Variants in FRK observed in about 807,000 individuals in gnomAD.
The protein encoded by FRK is fyn related Src family tyrosine kinase.
In FRK, 51 loss-of-function variants were observed where a neutral mutation model predicts 56.4. The observed-to-expected ratio is 0.90, with a 90% CI of 0.72 to 1.14. FRK has a LOEUF of 1.14. Among genes scored for constraint, FRK ranks in the 50% most tolerant of loss-of-function variants. The pLI, the probability that FRK is intolerant of heterozygous loss-of-function variation, is 0.00. For missense variants in FRK, 570 were observed against 601.4 expected (o/e 0.95, Z 0.55); for synonymous variants, 245 against 217.9 (o/e 1.12, Z -1.10).
rs1232312346 is a variant in FRK at position 115,931,419 on chromosome 6, C to T, written c.*10995G>A. The T allele has an allele frequency of 6.6e-6, 1 of 152,028 alleles. No individual in the cohort carries two copies. The highest frequency in any genetic ancestry group is 2.4e-5 in the African/African-American group (1 of 41,372). 9.4% of individuals were successfully genotyped at this position (152,028 alleles called of 1,614,324 possible). ...AATAATAGCATTATAACAAGTGGTA[C>T]AATTAAAAGAGGTCTTCTTTAATCC... On this transcript the variant is annotated 3_prime_UTR_variant, in exon 8 of 8. Transcript: ENST00000606080.
chr6:116,076,435 TA>T, the FRK span, among the ~76,000 whole-genome samples: 2 of 152,270 alleles, frequency 1.3e-5, no homozygotes, highest in Non-Finnish European at 2.9e-5. Context: ...TTCTTGATTT[TA>T]AAAATGATTT....
At chr6:115,988,802 A>T (rs962044636) in intron 2 of FRK, among the ~76,000 whole-genome samples, 1 of 151,988 alleles carries the variant, frequency 6.6e-6, no homozygotes, top group African/African-American at 2.4e-5. Flanking sequence ...AATTTCTTAC[A>T]TATCTTATTT....
the FRK span, among the ~76,000 whole-genome samples, chr6:116,084,711 A>C: frequency 1.4e-3 from 218 of 152,198 alleles, no homozygotes; most frequent in Non-Finnish European, 2.7e-3. Flanking sequence ...CTTTGCCTTG[A>C]TGAGAAGTGT....
At position 115,931,654 on chromosome 6, in the gene FRK, C is replaced by T. The variant is rs1352236853; in HGVS notation, c.*10760G>A. 6.6e-6 allele frequency: 1 copy of T among 152,052 alleles called. No individual in the cohort carries two copies. Among genetic ancestry groups the T allele is most frequent in the Non-Finnish European group, 1.5e-5 (1 of 67,990 alleles). The allele number at this position is 152,052 out of a possible 1,614,324, so 9.4% of individuals were successfully genotyped here. On this transcript the variant is annotated 3_prime_UTR_variant, in exon 8 of 8. Transcript: ENST00000606080. Reference sequence around the variant, plus strand: ...ATAGATTTTGAAAATTGATTAAAAGCTATGATATATTTCTACTCTGAAATT... The same window carrying T: ...ATAGATTTTGAAAATTGATTAAAAGTTATGATATATTTCTACTCTGAAATT...
chr6:116,004,616 A>G (rs918941916), intron 1 of FRK, among the ~76,000 whole-genome samples: 1 of 152,204 alleles, frequency 6.6e-6, no homozygotes, highest in Admixed American at 6.5e-5. Context: ...AAAAAGATAC[A>G]TCTGCCCAGG....
intron 1 of FRK, among the ~76,000 whole-genome samples, chr6:116,010,586 A>G (rs1464221456): frequency 6.6e-6 from 1 of 152,224 alleles, no homozygotes; most frequent in Admixed American, 6.5e-5. Flanking sequence ...CTGAATGACT[A>G]AAGGACAATA....
At chr6:115,992,357 G>C (rs566662072) in intron 2 of FRK, among the ~76,000 whole-genome samples, 149 of 151,598 alleles carry the variant, frequency 9.8e-4, no homozygotes, top group African/African-American at 3.5e-3. Context: ...CATATAACTT[G>C]ATTATTATGC....
the FRK span, among the ~76,000 whole-genome samples, chr6:116,089,691 T>C: frequency 6.6e-6 from 1 of 152,220 alleles, no homozygotes; most frequent in Non-Finnish European, 1.5e-5. Flanking sequence ...TCTCTTCTTA[T>C]AAGGACAACA....
intron 5 of FRK, among the ~76,000 whole-genome samples, chr6:115,946,628 A>G (rs900915494): frequency 2.5e-4 from 38 of 152,202 alleles, no homozygotes; most frequent in African/African-American, 8.9e-4. Context: ...TTTAACGATC[A>G]TAAGTTACAA....
At chr6:116,080,917 G>C in the FRK span, among the ~76,000 whole-genome samples, 4 of 152,166 alleles carry the variant, frequency 2.6e-5, no homozygotes, top group Admixed American at 1.3e-4. Flanking sequence ...TGCTAATAAA[G>C]ACATACCCAA....
At chr6:116,066,816 G>T in the FRK span, among the ~76,000 whole-genome samples, 1 of 152,102 alleles carries the variant, frequency 6.6e-6, no homozygotes, top group Non-Finnish European at 1.5e-5. Flanking sequence ...CATTTGGATG[G>T]ATCTTTCTGT....
chr6:115,983,728 C>T (rs190961621), intron 2 of FRK, among the ~76,000 whole-genome samples: 1 of 152,236 alleles, frequency 6.6e-6, no homozygotes, highest in East Asian at 1.9e-4. Flanking sequence ...CTCTGCACTG[C>T]CACCACCTTG....
the FRK span, among the ~76,000 whole-genome samples, chr6:116,080,789 A>G: frequency 1.3e-5 from 2 of 152,332 alleles, no homozygotes; most frequent in East Asian, 3.9e-4. Flanking sequence ...AGAAATGCAA[A>G]TTAACACTAC....
At chr6:116,002,658 TA>T (rs1282774538) in intron 2 of FRK, 1 of 453,248 alleles carries the variant, frequency 2.2e-6, no homozygotes, top group East Asian at 7.0e-5. Context: ...ATTTCAAGAG[TA>T]ACTGTCAGAA....
chr6:116,054,896 G>T (rs1271654267), intron 1 of FRK, among the ~76,000 whole-genome samples: 4 of 151,816 alleles, frequency 2.6e-5, no homozygotes, highest in Non-Finnish European at 5.9e-5. Flanking sequence ...TGTATTAAGG[G>T]TAATGTTAAT....
intron 4 of FRK, among the ~76,000 whole-genome samples, chr6:115,957,267 T>C (rs1773037851): frequency 6.6e-6 from 1 of 152,206 alleles, no homozygotes; most frequent in South Asian, 2.1e-4. Flanking sequence ...AGAGACAATA[T>C]TAAGGCCTAT....
At chr6:115,985,553 G>A (rs1048043050) in intron 2 of FRK, among the ~76,000 whole-genome samples, 1 of 152,146 alleles carries the variant, frequency 6.6e-6, no homozygotes, top group South Asian at 2.1e-4. Flanking sequence ...CAGATAGCCT[G>A]GCTATAAACC....
At chr6:115,997,765 A>G (rs1388395842) in intron 2 of FRK, among the ~76,000 whole-genome samples, 2 of 152,180 alleles carry the variant, frequency 1.3e-5, no homozygotes, top group Non-Finnish European at 2.9e-5. Context: ...TTATGGAGAA[A>G]GGAGACTGTG....
intron 1 of FRK, among the ~76,000 whole-genome samples, chr6:116,057,543 C>T (rs991736590): frequency 3.3e-5 from 5 of 152,116 alleles, no homozygotes; most frequent in African/African-American, 1.2e-4. Context: ...CAGGTGAAGA[C>T]CATGGTGTGC....
Sources: gnomAD v4.1 joint callset for allele counts (sites outside exome capture counted in the v4.1 genomes callset) on GRCh38, gnomAD v4.1.1 for gene constraint, MANE v1.5 for transcripts, NCBI Gene and HGNC (gene_info 2026-07-23, HGNC 2026-07-21) for gene names.